DEK: variants seen among roughly 807,000 people sequenced by gnomAD.
The protein encoded by DEK is DEK proto-oncogene, also known as protein DEK.
A neutral mutation model predicts 46.8 loss-of-function variants in DEK; 28 were observed. The observed-to-expected ratio is 0.60, with a 90% CI of 0.44 to 0.82. DEK has a LOEUF of 0.82. Among genes scored for constraint, DEK ranks in the 40% least tolerant of loss-of-function variants. The pLI is 0.00. For synonymous variants in DEK, 160 were observed against 144.5 expected (o/e 1.11, Z -0.77); for missense variants, 416 against 430.6 (o/e 0.97, Z 0.30).
At chr6:18,262,248 T>C (rs1176837423) in intron 2 of DEK, among the ~76,000 whole-genome samples, 1 of 151,966 alleles carries the variant, frequency 6.6e-6, no homozygotes, top group East Asian at 1.9e-4. Flanking sequence ...ATAAAACCTA[T>C]TTTCTTTATA....
At chr6:18,236,036 C>G (rs1027727037) in intron 9 of DEK, among the ~76,000 whole-genome samples, 9 of 152,102 alleles carry the variant, frequency 5.9e-5, no homozygotes, top group African/African-American at 1.9e-4. Flanking sequence ...ATTAGAAAGA[C>G]GCTGCAGAAG....
At chr6:18,226,079 T>C in intron 10 of DEK, 95 bp downstream of exon 10, 2 of 997,218 alleles carry the variant, frequency 2.0e-6, no homozygotes, top group Non-Finnish European at 2.7e-6. Flanking sequence ...ATGTGATATT[T>C]AGTGACATGA....
intron 6 of DEK, among the ~76,000 whole-genome samples, chr6:18,254,766 T>TA (rs1280902133): frequency 7.2e-5 from 11 of 152,190 alleles, no homozygotes; most frequent in Admixed American, 4.6e-4. Flanking sequence ...ATAGCTATAG[T>TA]AAAAGTTAGA....
intron 10 of DEK, 27 bp from the exon 11 acceptor site, chr6:18,225,757 G>A (rs1379570003): frequency 4.3e-6 from 7 of 1,611,798 alleles, no homozygotes; most frequent in Non-Finnish European, 5.1e-6. Flanking sequence ...ACATTATTTT[G>A]CCATAAATCA....
At chr6:18,256,018 G>A (rs375661221) in intron 5 of DEK, among the ~76,000 whole-genome samples, 167 bp from the exon 6 acceptor site, 6 of 148,742 alleles carry the variant, frequency 4.0e-5, no homozygotes, top group African/African-American at 9.9e-5. Flanking sequence ...AGACAGTTTC[G>A]CTCTTGTTGC....
intron 7 of DEK, among the ~76,000 whole-genome samples, chr6:18,243,894 G>A (rs1266899812): frequency 6.6e-6 from 1 of 152,190 alleles, no homozygotes; most frequent in East Asian, 1.9e-4. Context: ...TTGAACCCTG[G>A]AGTTCAAGGC....
intron 9 of DEK, among the ~76,000 whole-genome samples, chr6:18,233,351 G>A (rs1273633896): frequency 2.0e-5 from 3 of 152,144 alleles, no homozygotes; most frequent in South Asian, 2.1e-4. Flanking sequence ...ATTGACAAAT[G>A]GGATCTAATT....
At chr6:18,264,197 G>T in intron 1 of DEK, 188 bp downstream of exon 1, 2 of 413,560 alleles carry the variant, frequency 4.8e-6, no homozygotes, top group East Asian at 7.7e-5. Context: ...TTCCCGAGGC[G>T]GGAAACCGCG....
At chr6:18,253,328 T>G (rs1341836389) in intron 6 of DEK, among the ~76,000 whole-genome samples, 3 of 152,294 alleles carry the variant, frequency 2.0e-5, no homozygotes, top group Non-Finnish European at 2.9e-5. Flanking sequence ...ATGATAAACG[T>G]TATGATTTCA....
chr6:18,245,490 G>A (rs1308510253), intron 7 of DEK, among the ~76,000 whole-genome samples: 2 of 151,430 alleles, frequency 1.3e-5, no homozygotes, highest in Non-Finnish European at 3.0e-5. Context: ...CTAAATACTC[G>A]TAAAACTCCA....
At chr6:18,225,908 T>A (rs1025781688) in intron 10 of DEK, 178 bp from the exon 11 acceptor site, 1 of 781,644 alleles carries the variant, frequency 1.3e-6, no homozygotes, top group East Asian at 2.8e-5. Flanking sequence ...CAAGTATTTG[T>A]GAGAGCAACG....
Position 18,244,514 on chromosome 6 carries a change from T to C in DEK, c.762+5137A>G, listed in dbSNP as rs760801125. 10 of 1,287,448 alleles carry C rather than the reference T, an allele frequency of 7.8e-6. No individual in the cohort carries two copies. The South Asian group carries it at 1.2e-4, about 16-fold the overall frequency. 79.8% of individuals were successfully genotyped at this position (1,287,448 alleles called of 1,614,324 possible). A position where few individuals can be genotyped will look rare whatever the true frequency, so the allele number is the denominator to read the frequency against. On this transcript the variant is annotated intron_variant, in intron 7 of 10. Coordinates refer to ENST00000652689, the MANE Select transcript of DEK (RefSeq NM_003472.4). ...TTGGGAAAGCAAGGCTTACCTATGA[T>C]TTATAGGCAGCAGGGCTCTTGAAGG...
At chr6:18,258,474 C>T (rs926235177) in intron 2 of DEK, 69 bp from the exon 3 acceptor site, 35 of 1,193,138 alleles carry the variant, frequency 2.9e-5, no homozygotes, top group African/African-American at 4.6e-5. Context: ...ATTAGATACA[C>T]ATGTAGAACA....
intron 7 of DEK, among the ~76,000 whole-genome samples, chr6:18,246,410 AATTGCAAAACT>A (rs1431737816): frequency 5.3e-5 from 8 of 152,242 alleles, no homozygotes; most frequent in African/African-American, 1.9e-4. Context: ...CAAGGAAAAG[AATTGCAAAACT>A]ATTGTGACTC....
intron 9 of DEK, among the ~76,000 whole-genome samples, chr6:18,232,257 T>C (rs149932673): frequency 6.1e-4 from 93 of 152,330 alleles, no homozygotes; most frequent in African/African-American, 2.2e-3. Context: ...ACAGTCATCA[T>C]ATTGAATGGG....
chr6:18,249,579 G>A, intron 7 of DEK, 72 bp downstream of exon 7: 5 of 1,431,054 alleles, frequency 3.5e-6, no homozygotes, highest in Non-Finnish European at 3.7e-6. Context: ...TTTTCTGGCT[G>A]TACCTTATAG....
chr6:18,261,755 T>C (rs571488109), intron 2 of DEK, among the ~76,000 whole-genome samples: 1 of 152,298 alleles, frequency 6.6e-6, no homozygotes, highest in Admixed American at 6.5e-5. Flanking sequence ...CACAGGCTCA[T>C]AGGTGGAAGA....
chr6:18,229,599 G>A (rs1023349707), intron 9 of DEK, among the ~76,000 whole-genome samples: 7 of 152,304 alleles, frequency 4.6e-5, no homozygotes, highest in East Asian at 3.9e-4. Context: ...TTCAGTAGCC[G>A]ATTCGATCAA....
chr6:18,226,018 T>A, intron 10 of DEK, 156 bp downstream of exon 10: 1 of 807,370 alleles, frequency 1.2e-6, no homozygotes, highest in Non-Finnish European at 1.8e-6. Flanking sequence ...AGCTTTAAAG[T>A]GGGAATGAGA....
Sources: allele counts gnomAD v4.1 joint callset (sites outside exome capture counted in the v4.1 genomes callset), GRCh38; gene constraint gnomAD v4.1.1; transcripts MANE v1.5; gene names NCBI Gene and HGNC (gene_info 2026-07-23, HGNC 2026-07-21).